The following DCLK1 variants were observed in gnomAD, a reference collection of about 807,000 sequenced individuals.
The protein encoded by DCLK1 is doublecortin like kinase 1.
Under a neutral mutation model 86.2 loss-of-function variants are expected in DCLK1, and 16 were observed. The ratio of observed to expected loss-of-function variants is 0.19; its 90% CI spans 0.13 to 0.28. The LOEUF is 0.28. Ranked by LOEUF, DCLK1 falls within the 10% of genes least tolerant of loss-of-function variation. The pLI is 1.00. For synonymous variants in DCLK1, 369 were observed against 370.5 expected (o/e 1.00, Z 0.05); for missense variants, 590 against 940.2 (o/e 0.63, Z 4.87).
chr13:35,839,581 C>G (rs1249599743), intron 6 of DCLK1, among the ~76,000 whole-genome samples: 1 of 152,126 alleles, frequency 6.6e-6, no homozygotes, highest in Non-Finnish European at 1.5e-5. Flanking sequence ...ATTTTTCTGA[C>G]AGAAAACATT....
chr13:36,088,881 C>T (rs1166579845), intron 3 of DCLK1, among the ~76,000 whole-genome samples: 1 of 152,222 alleles, frequency 6.6e-6, no homozygotes, highest in African/African-American at 2.4e-5. Context: ...TGTAGCACAA[C>T]CATTTCTTCA....
intron 4 of DCLK1, among the ~76,000 whole-genome samples, chr13:35,908,585 T>C (rs1393114947): frequency 2.0e-5 from 3 of 152,118 alleles, no homozygotes; most frequent in Non-Finnish European, 4.4e-5. Flanking sequence ...TGAAACAGGG[T>C]CTCAGTCTAT....
chr13:35,967,790 C>G (rs1376563368), intron 3 of DCLK1, among the ~76,000 whole-genome samples: 1 of 151,846 alleles, frequency 6.6e-6, no homozygotes, highest in Non-Finnish European at 1.5e-5. Flanking sequence ...CCTGCCAAAT[C>G]CCCCTCTCCG....
chr13:35,924,023 C>T (rs967042254), intron 4 of DCLK1, among the ~76,000 whole-genome samples: 2 of 152,096 alleles, frequency 1.3e-5, no homozygotes, highest in African/African-American at 2.4e-5. Context: ...ACCACGTCAC[C>T]CACCATTTAC....
rs74785700 is a variant in DCLK1 at position 35,960,615 on chromosome 13, A to T, written c.724-13158T>A. ...TGGGACTACAGGCATTCACCACTAC[A>T]GCTGGCTAATTTTTAAAATTTGTAG... On this transcript the variant is annotated intron_variant, in intron 3 of 16. Transcript: ENST00000360631. Among the ~76,000 whole-genome samples, 1,365 of 152,064 alleles carry T rather than the reference A, an allele frequency of 9.0e-3. 15 individuals carry two copies. Among genetic ancestry groups the T allele is most frequent in the African/African-American group, 0.031 (1,293 of 41,492 alleles).
In DCLK1 at chr13:35,870,638, T is replaced by C. The variant is rs146224067; in HGVS notation, c.940+586A>G. Among the ~76,000 whole-genome samples the C allele has an allele frequency of 1.2e-3, 190 of 152,344 alleles. 1 individual carries two copies. Among genetic ancestry groups the C allele is most frequent in the African/African-American group, 4.5e-3 (186 of 41,582 alleles). On this transcript the variant is annotated intron_variant, in intron 5 of 16. Transcript: ENST00000360631. ...AGAAGACACTTTCTAACTGACTTCA[T>C]GTCAGTTTTAAGACCAAAAAGGAGA...
intron 3 of DCLK1, among the ~76,000 whole-genome samples, chr13:36,064,537 T>C: frequency 6.6e-6 from 1 of 151,958 alleles, no homozygotes; most frequent in African/African-American, 2.4e-5. Context: ...CGTGTGCCTA[T>C]AATCCCAGCT....
At position 35,812,492 on chromosome 13, in the gene DCLK1, C is replaced by T. The variant is rs1477444730; in HGVS notation, c.1555-1524G>A. Among the ~76,000 whole-genome samples, 6 of 152,288 alleles carry T rather than the reference C, an allele frequency of 3.9e-5. No individual in the cohort carries two copies. The East Asian group carries it at 7.7e-4, about 20-fold the overall frequency. On this transcript the variant is annotated intron_variant, in intron 11 of 16. Coordinates refer to ENST00000360631, the MANE Select transcript of DCLK1 (RefSeq NM_001330071.2). The stretch of plus-strand genomic sequence containing the variant: ...GCACATCTCCACACATCAGGGGCAC[C>T]GCTACTGTTCACACGTCACGTCTGC...
intron 3 of DCLK1, among the ~76,000 whole-genome samples, chr13:35,966,695 G>A (rs749629220): frequency 6.6e-6 from 1 of 152,056 alleles, no homozygotes; most frequent in Admixed American, 6.5e-5. Context: ...TGGTGGAGAC[G>A]GGGTTTCGCC....
At chr13:35,868,316 T>A (rs1872006921) in intron 5 of DCLK1, among the ~76,000 whole-genome samples, 3 of 152,120 alleles carry the variant, frequency 2.0e-5, no homozygotes. Context: ...CCACCGCACC[T>A]GGCCCAACCT....
intron 3 of DCLK1, among the ~76,000 whole-genome samples, chr13:36,077,004 G>C (rs970492516): frequency 6.6e-6 from 1 of 152,144 alleles, no homozygotes; most frequent in Admixed American, 6.5e-5. Flanking sequence ...AGCTGGAGAG[G>C]AGGAGGGAGA....
chr13:35,862,591 T>C (rs1457930968), intron 5 of DCLK1, among the ~76,000 whole-genome samples: 1 of 152,190 alleles, frequency 6.6e-6, no homozygotes, highest in African/African-American at 2.4e-5. Flanking sequence ...ACCTACAATC[T>C]ACAGCACAAA....
chr13:35,776,203 A>C (rs1384193582), intron 16 of DCLK1, among the ~76,000 whole-genome samples: 1 of 152,194 alleles, frequency 6.6e-6, no homozygotes, highest in East Asian at 1.9e-4. Flanking sequence ...CAGTATCATA[A>C]ACCCAAATTC....
In DCLK1 at chr13:35,836,022, A is replaced by G. The variant is rs1869346683; in HGVS notation, c.1229+11T>C. ...ACCTTTAAGGTTTGATGCAAATGAT[A>G]TCCTTCTCACCTTTCTACACATTCC... On this transcript the variant is annotated intron_variant, in intron 8 of 16. Transcript: ENST00000360631. 1.2e-5 allele frequency: 18 copies of G among 1,548,762 alleles called. No individual in the cohort carries two copies. The highest frequency in any genetic ancestry group is 1.6e-5 in the Non-Finnish European group (18 of 1,126,386).
chr13:35,968,601 C>A (rs1248478759), intron 3 of DCLK1, among the ~76,000 whole-genome samples: 1 of 152,098 alleles, frequency 6.6e-6, no homozygotes, highest in Non-Finnish European at 1.5e-5. Context: ...TTATAGCCCA[C>A]CTGACTGTTG....
chr13:35,937,609 T>A (rs1416717558), intron 4 of DCLK1, among the ~76,000 whole-genome samples: 3 of 152,178 alleles, frequency 2.0e-5, no homozygotes, highest in Admixed American at 2.0e-4. Context: ...GTCCACAGAC[T>A]TTTTTACTAT....
chr13:35,875,068 A>G (rs928700633), intron 4 of DCLK1, among the ~76,000 whole-genome samples: 2 of 152,210 alleles, frequency 1.3e-5, no homozygotes, highest in African/African-American at 4.8e-5. Context: ...TGGTGCATAG[A>G]GTCTTTTCAC....
chr13:35,958,131 A>ACTATAACCATTACCACCACCACTG (rs1555352809), intron 3 of DCLK1, among the ~76,000 whole-genome samples: 2 of 49,688 alleles, frequency 4.0e-5, no homozygotes, highest in Non-Finnish European at 1.0e-4. Context: ...CACTACCACT[A>ACTATAACCATTACCACCACCACTG]CTATAACCAC....
Position 35,892,608 on chromosome 13 carries a change from T to A in DCLK1, c.824-21268A>T, listed in dbSNP as rs114713867. 2.0e-5 allele frequency among the ~76,000 whole-genome samples: 3 copies of A among 152,276 alleles called. No homozygotes were observed. In the East Asian group the frequency reaches 5.8e-4, roughly 29 times the overall value. On this transcript the variant is annotated intron_variant, in intron 4 of 16. Coordinates refer to ENST00000360631, the MANE Select transcript of DCLK1 (RefSeq NM_001330071.2). ...GATCAGATAATTAAACAAAATATATTGAGTATTTTAGAGGATCTCAGAAAT... is the reference window on the plus strand; with the variant it reads ...GATCAGATAATTAAACAAAATATATAGAGTATTTTAGAGGATCTCAGAAAT...
Sources: allele counts gnomAD v4.1 joint callset (sites outside exome capture counted in the v4.1 genomes callset), GRCh38; gene constraint gnomAD v4.1.1; transcripts MANE v1.5; gene names NCBI Gene and HGNC (gene_info 2026-07-23, HGNC 2026-07-21).